SGTB: variants seen among roughly 807,000 people sequenced by gnomAD.
SGTB encodes the protein small glutamine rich tetratricopeptide repeat co-chaperone beta, also known as small glutamine-rich tetratricopeptide repeat-containing protein beta.
A neutral mutation model predicts 43.9 loss-of-function variants in SGTB; 19 were observed. The ratio of observed to expected loss-of-function variants is 0.43; its 90% CI spans 0.30 to 0.63. The LOEUF is 0.63. Among genes scored for constraint, SGTB ranks in the 30% least tolerant of loss-of-function variants. The pLI is 0.12. For synonymous variants in SGTB, 116 were observed against 117.3 expected (o/e 0.99, Z 0.07); for missense variants, 304 against 358.9 (o/e 0.85, Z 1.24).
chr5:65,677,094 AAAAG>A (rs1316403290), intron 8 of SGTB, among the ~76,000 whole-genome samples: 1 of 151,996 alleles, frequency 6.6e-6, no homozygotes, highest in East Asian at 1.9e-4. Context: ...TAATGAAGAA[AAAAG>A]AGAGAAGATT....
In SGTB at chr5:65,680,540, C is replaced by G. The variant is rs768609056; in HGVS notation, c.635G>C (p.Ser212Thr). ...EVSSPTGTGL[S>T]FDMASLINNP... ...ATTTATCAAGCTAGCCATGTCAAAG[C>G]TCAGTCCAGTTCCTGTCTGTAAAAC... is the stretch of plus-strand genomic sequence containing the variant. Residue 212 changes from serine (S) to threonine (T), a missense_variant, in exon 8 of 11, where the codon AGC (serine) becomes ACC (threonine). Transcript: ENST00000381007. 6.2e-7 allele frequency: 1 copy of G among 1,614,146 alleles called. No homozygotes were observed. The highest frequency in any genetic ancestry group is 8.5e-7 in the Non-Finnish European group (1 of 1,180,018).
intron 2 of SGTB, among the ~76,000 whole-genome samples, chr5:65,718,172 C>T (rs190457128): frequency 5.3e-5 from 8 of 152,276 alleles, no homozygotes; most frequent in Admixed American, 3.3e-4. Context: ...GGAAGGCTTT[C>T]TCAATCTCCG....
chr5:65,671,801 G>C (rs1243450967), intron 10 of SGTB, 114 bp downstream of exon 10: 9 of 948,884 alleles, frequency 9.5e-6, no homozygotes, highest in South Asian at 8.5e-5. Context: ...GGAGGCTAAA[G>C]TTACTAACGG....
At chr5:65,683,609 A>C (rs1347946067) in intron 6 of SGTB, among the ~76,000 whole-genome samples, 1 of 152,150 alleles carries the variant, frequency 6.6e-6, no homozygotes, top group Non-Finnish European at 1.5e-5. Context: ...GCATCCAGTA[A>C]AGTGGAAGGG....
chr5:65,707,998 A>G (rs1156991291), intron 4 of SGTB, among the ~76,000 whole-genome samples: 1 of 152,224 alleles, frequency 6.6e-6, no homozygotes, highest in East Asian at 1.9e-4. Context: ...CTCAACAGTG[A>G]CTTATTTCTT....
chr5:65,679,148 G>GA (rs1406145548), intron 8 of SGTB, among the ~76,000 whole-genome samples: 2 of 151,760 alleles, frequency 1.3e-5, no homozygotes, highest in African/African-American at 4.8e-5. Flanking sequence ...AAATTTACAA[G>GA]AAAAAAACAA....
chr5:65,722,495 C>T (rs1579896509), upstream of SGTB: 1 of 1,252,282 alleles, frequency 8.0e-7, no homozygotes, highest in East Asian at 2.8e-5. Context: ...CCGGACCCAC[C>T]CCTTCCCGAC....
Position 65,667,229 on chromosome 5 carries a change from A to G in SGTB, c.*3017T>C, listed in dbSNP as rs1311402500. On this transcript the variant is annotated 3_prime_UTR_variant, in exon 11 of 11. Transcript: ENST00000381007. ...ATGGTGTTTTCTAGTTAGCCTTTTA[A>G]TAACTATAGTGTCTGTAGTGTATTC... 10 of 139,520 alleles carry G rather than the reference A, an allele frequency of 7.2e-5. No individual in the cohort carries two copies. The highest frequency in any genetic ancestry group is 6.5e-4 in the Admixed American group (9 of 13,896). The allele number at this position is 139,520 out of a possible 1,614,324, so 8.6% of individuals were successfully genotyped here.
At chr5:65,711,143 C>T (rs963121157) in intron 3 of SGTB, among the ~76,000 whole-genome samples, 5 of 151,850 alleles carry the variant, frequency 3.3e-5, no homozygotes, top group South Asian at 4.2e-4. Context: ...CCAGCCTGGG[C>T]GACAGGGCGA....
chr5:65,683,862 C>T (rs1255776354), intron 6 of SGTB, among the ~76,000 whole-genome samples: 4 of 151,384 alleles, frequency 2.6e-5, no homozygotes, highest in Non-Finnish European at 4.4e-5. Flanking sequence ...AGGAGAATGG[C>T]GTGAACCCAG....
intron 3 of SGTB, among the ~76,000 whole-genome samples, chr5:65,709,849 G>A (rs746594001): frequency 3.3e-5 from 5 of 151,988 alleles, no homozygotes; most frequent in Non-Finnish European, 7.4e-5. Flanking sequence ...ATCCTCCCAC[G>A]TTGGCTTCCC....
chr5:65,716,315 T>C (rs1758149210), intron 2 of SGTB, among the ~76,000 whole-genome samples: 1 of 152,214 alleles, frequency 6.6e-6, no homozygotes, highest in South Asian at 2.1e-4. Context: ...AGTCAAATTA[T>C]ATAGATCCTT....
intron 5 of SGTB, among the ~76,000 whole-genome samples, chr5:65,697,559 A>G (rs1757736519): frequency 6.6e-6 from 1 of 152,244 alleles, no homozygotes; most frequent in Non-Finnish European, 1.5e-5. Flanking sequence ...AACATTATAT[A>G]AATTAATCTG....
At position 65,704,021 on chromosome 5, in the gene SGTB, G is replaced by C. The variant is rs1420259039; in HGVS notation, c.374+258C>G. ...CCACTGCACTCCAGCCTGGGTGACA[G>C]TGAGACTCCGTCTCAAAAAAAAAAA... On this transcript the variant is annotated intron_variant, in intron 5 of 10. Transcript: ENST00000381007. 2.2e-5 allele frequency among the ~76,000 whole-genome samples: 3 copies of C among 137,086 alleles called. No homozygotes were observed. The Admixed American group carries it at 2.3e-4, about 11-fold the overall frequency. The allele number at this position is 137,086 out of a possible 152,430, so 89.9% of individuals were successfully genotyped here. A position where few individuals can be genotyped will look rare whatever the true frequency, so the allele number is the denominator to read the frequency against.
intron 8 of SGTB, among the ~76,000 whole-genome samples, chr5:65,678,606 C>G (rs1352892028): frequency 6.6e-6 from 1 of 152,160 alleles, no homozygotes; most frequent in Admixed American, 6.5e-5. Context: ...TACTACAGGG[C>G]TACAATAACC....
At chr5:65,716,016 C>T (rs1040721365) in intron 2 of SGTB, among the ~76,000 whole-genome samples, 9 of 152,308 alleles carry the variant, frequency 5.9e-5, no homozygotes, top group Admixed American at 3.3e-4. Context: ...GTGATCCGCC[C>T]GCCTCGGCCT....
At chr5:65,715,930 T>C (rs1283510091) in intron 2 of SGTB, among the ~76,000 whole-genome samples, 1 of 152,268 alleles carries the variant, frequency 6.6e-6, no homozygotes, top group Non-Finnish European at 1.5e-5. Flanking sequence ...CCACCACGCC[T>C]GGCTAATTTT....
chr5:65,696,850 GAAGAC>G (rs1480094605), intron 5 of SGTB, among the ~76,000 whole-genome samples: 1 of 152,136 alleles, frequency 6.6e-6, no homozygotes, highest in Non-Finnish European at 1.5e-5. Context: ...GGCCAAAATA[GAAGAC>G]AAGTACCAGA....
At chr5:65,692,064 A>T (rs1411600447) in intron 5 of SGTB, among the ~76,000 whole-genome samples, 1 of 152,174 alleles carries the variant, frequency 6.6e-6, no homozygotes, top group African/African-American at 2.4e-5. Flanking sequence ...AACATATTGA[A>T]TAGCGAATTT....
Sources: allele counts gnomAD v4.1 joint callset (sites outside exome capture counted in the v4.1 genomes callset), GRCh38; gene constraint gnomAD v4.1.1; transcripts MANE v1.5; gene names NCBI Gene and HGNC (gene_info 2026-07-23, HGNC 2026-07-21).